Variants in SLC13A3 observed in about 807,000 individuals in gnomAD.
SLC13A3 encodes solute carrier family 13 member 3, also known as Na(+)/dicarboxylate cotransporter 3.
In SLC13A3, 40 loss-of-function variants were observed where a neutral mutation model predicts 59.0. That is an observed-to-expected ratio of 0.68 (90% CI 0.53 to 0.88). SLC13A3 has a LOEUF of 0.88. Among genes scored for constraint, SLC13A3 ranks in the 40% least tolerant of loss-of-function variants. The pLI is 0.00. For missense variants in SLC13A3, 699 were observed against 783.2 expected, an observed-to-expected ratio of 0.89 and a Z score of 1.28; for synonymous variants, 317 against 330.3, an observed-to-expected ratio of 0.96 and a Z score of 0.44.
chr20:46,568,986 TTTTA>T (rs925862985), intron 10 of SLC13A3, among the ~76,000 whole-genome samples: 3 of 152,166 alleles, frequency 2.0e-5, no homozygotes, highest in African/African-American at 7.2e-5. Flanking sequence ...TCCCATTTTA[TTTTA>T]TTTATTTTTT....
chr20:46,577,063 T>C (rs886169065), intron 9 of SLC13A3, among the ~76,000 whole-genome samples: 1 of 31,342 alleles, frequency 3.2e-5, no homozygotes, highest in Non-Finnish European at 7.6e-5. Context: ...GTATGCAGTC[T>C]ACAGACGTAT....
chr20:46,568,157 G>A (rs2061996266), intron 10 of SLC13A3, among the ~76,000 whole-genome samples: 1 of 152,054 alleles, frequency 6.6e-6, no homozygotes. Context: ...ACTTTTAGAG[G>A]CCAAGGTGGG....
At chr20:46,663,681 G>C (rs2063045374) in intron 1 of SLC13A3, among the ~76,000 whole-genome samples, 1 of 152,068 alleles carries the variant, frequency 6.6e-6, no homozygotes. Context: ...CTATGAAATA[G>C]GTTCTATTAT....
chr20:46,677,093 T>C (rs2063130536), intron 1 of SLC13A3, among the ~76,000 whole-genome samples: 1 of 152,180 alleles, frequency 6.6e-6, no homozygotes, highest in African/African-American at 2.4e-5. Context: ...TTTGTGTTTT[T>C]AGTAGAGACA....
chr20:46,657,229 G>A (rs2063000264), intron 1 of SLC13A3, among the ~76,000 whole-genome samples: 1 of 152,118 alleles, frequency 6.6e-6, no homozygotes, highest in Non-Finnish European at 1.5e-5. Flanking sequence ...CCAGGAAGTA[G>A]CTGGGTGTGA....
chr20:46,655,807 T>C (rs1799692519), upstream of SLC13A3, among the ~76,000 whole-genome samples: 1 of 144,352 alleles, frequency 6.9e-6, no homozygotes, highest in African/African-American at 2.5e-5. Context: ...TAATATATAA[T>C]ACTGTATATA....
intron 3 of SLC13A3, among the ~76,000 whole-genome samples, chr20:46,603,589 T>C (rs1453076540): frequency 1.3e-5 from 2 of 151,220 alleles, no homozygotes; most frequent in African/African-American, 2.4e-5. Context: ...GGTCTTGCTA[T>C]GTTGCCCAGG....
At chr20:46,579,668 T>C (rs111470836) in intron 9 of SLC13A3, among the ~76,000 whole-genome samples, 8 of 152,220 alleles carry the variant, frequency 5.3e-5, no homozygotes, top group African/African-American at 1.2e-4. Flanking sequence ...AGGGCACACA[T>C]TGGCATTCCA....
At chr20:46,669,441 A>T (rs1166633376) in intron 1 of SLC13A3, among the ~76,000 whole-genome samples, 2 of 152,114 alleles carry the variant, frequency 1.3e-5, no homozygotes, top group African/African-American at 4.8e-5. Context: ...ACCCTTCCAG[A>T]TGGGTGTGAT....
intron 1 of SLC13A3, among the ~76,000 whole-genome samples, chr20:46,637,463 A>T (rs1409283644): frequency 1.3e-5 from 2 of 152,152 alleles, no homozygotes; most frequent in African/African-American, 4.8e-5. Context: ...GAGGAAATGG[A>T]GGCTCAGAGA....
intron 1 of SLC13A3, among the ~76,000 whole-genome samples, chr20:46,647,670 T>C (rs908377535): frequency 4.6e-5 from 7 of 152,120 alleles, no homozygotes; most frequent in Non-Finnish European, 7.3e-5. Context: ...AATGTAAGAA[T>C]TGTTCCTTCC....
At chr20:46,656,530 T>C (rs1156565135) in intron 1 of SLC13A3, among the ~76,000 whole-genome samples, 2 of 145,028 alleles carry the variant, frequency 1.4e-5, no homozygotes, top group Non-Finnish European at 1.5e-5. Flanking sequence ...ATATGATATA[T>C]ACTATACAGT....
intron 1 of SLC13A3, among the ~76,000 whole-genome samples, chr20:46,621,959 T>G (rs1168476331): frequency 1.3e-5 from 2 of 152,222 alleles, no homozygotes; most frequent in Non-Finnish European, 2.9e-5. Context: ...CCACAACTTA[T>G]GCTCCATGGA....
rs369892952 is a variant in SLC13A3, at chr20:46,575,700, G to T, written c.1220-15C>A. On this transcript the variant is annotated splice_polypyrimidine_tract_variant and intron_variant, in intron 9 of 12. Coordinates refer to ENST00000279027, the MANE Select transcript of SLC13A3 (RefSeq NM_022829.6). ...TGTGTTGGGAGCTGGGCAGAGAGAG[G>T]GATTCAGCACACACTCAGGGCCGCT... The T allele has an allele frequency of 3.3e-6, 5 of 1,531,934 alleles. No homozygotes were observed. The African/African-American group carries it at 5.5e-5, about 17-fold the overall frequency. 94.9% of individuals were successfully genotyped at this position (1,531,934 alleles called of 1,614,324 possible). A position where few individuals can be genotyped will look rare whatever the true frequency, so the allele number is the denominator to read the frequency against.
In SLC13A3 at chr20:46,592,494, G is replaced by A; in HGVS notation, c.830C>T (p.Ser277Phe). Residue 277 changes from serine to phenylalanine, a missense_variant, in exon 6 of 13, where the codon TCC becomes TTC. Coordinates refer to ENST00000279027, the MANE Select transcript of SLC13A3 (RefSeq NM_022829.6). ...AAGAGGGAAGGCGAAAATGAACCAG[G>A]AGCCGAAATTCACCACGTCACACTG... ...FPQCDVVNFG[S>F]WFIFAFPLML... The A allele has an allele frequency of 6.2e-7, 1 of 1,613,866 alleles. No individual in the cohort carries two copies.
intron 1 of SLC13A3, among the ~76,000 whole-genome samples, chr20:46,641,995 G>C (rs547675187): frequency 6.6e-6 from 1 of 152,204 alleles, no homozygotes; most frequent in Admixed American, 6.5e-5. Flanking sequence ...AAACTAACTA[G>C]CCAGTCCTAA....
chr20:46,593,302 A>G (rs773741581), intron 5 of SLC13A3, among the ~76,000 whole-genome samples: 20 of 152,246 alleles, frequency 1.3e-4, no homozygotes, highest in Non-Finnish European at 2.2e-4. Flanking sequence ...CAGAAATTCT[A>G]CTACTAGAAA....
chr20:46,679,799 T>C (rs1365373791), intron 1 of SLC13A3, among the ~76,000 whole-genome samples: 2 of 151,450 alleles, frequency 1.3e-5, no homozygotes, highest in East Asian at 1.9e-4. Flanking sequence ...TCCCAGCTAC[T>C]GGGGAGGCTG....
chr20:46,574,839 CT>C (rs61006260), intron 10 of SLC13A3, among the ~76,000 whole-genome samples: 3 of 141,518 alleles, frequency 2.1e-5, no homozygotes, highest in South Asian at 2.2e-4. Flanking sequence ...TTTTCTTTTT[CT>C]TTTTTTTTTT....
Sources: allele counts gnomAD v4.1 joint callset (sites outside exome capture counted in the v4.1 genomes callset), GRCh38; gene constraint gnomAD v4.1.1; transcripts MANE v1.5; gene names NCBI Gene and HGNC (gene_info 2026-07-23, HGNC 2026-07-21).